DGCR2: variants seen among roughly 807,000 people sequenced by gnomAD.
DGCR2 encodes integral membrane protein DGCR2/IDD.
DGCR2 carries 24 observed loss-of-function variants against 51.6 expected under a neutral mutation model. The ratio of observed to expected loss-of-function variants is 0.47; its 90% CI spans 0.34 to 0.65. DGCR2 has a LOEUF of 0.65. Among genes scored for constraint, DGCR2 ranks in the 30% least tolerant of loss-of-function variants. The pLI is 0.01. For missense variants in DGCR2, 765 were observed against 772.1 expected, an observed-to-expected ratio of 0.99 and a Z score of 0.11; for synonymous variants, 340 against 315.4, an observed-to-expected ratio of 1.08 and a Z score of -0.82.
intron 1 of DGCR2, among the ~76,000 whole-genome samples, chr22:19,111,231 T>G (rs967289543): frequency 6.6e-6 from 1 of 152,152 alleles, no homozygotes; most frequent in Non-Finnish European, 1.5e-5. Context: ...CTGGCCTGAA[T>G]TGATCACCCA....
intron 1 of DGCR2, among the ~76,000 whole-genome samples, chr22:19,090,961 C>T (rs1020338328): frequency 1.3e-5 from 2 of 152,048 alleles, no homozygotes; most frequent in African/African-American, 4.8e-5. Context: ...AATCAAGATA[C>T]AACTACATAT....
At chr22:19,106,254 T>A (rs2083260548) in intron 1 of DGCR2, among the ~76,000 whole-genome samples, 1 of 152,148 alleles carries the variant, frequency 6.6e-6, no homozygotes, top group Non-Finnish European at 1.5e-5. Context: ...ACTCCAACAA[T>A]GCTCAGCTGC....
chr22:19,038,369 A>T lies in DGCR2; in HGVS notation c.*496T>A, dbSNP rs1235781526. On this transcript the variant is annotated 3_prime_UTR_variant, in exon 10 of 10. Transcript: ENST00000263196. ...ACAAAGTCAAGAGGCTGCCTCCCTG[A>T]AGCAGACCCACTGCCTACGCCACAC... The T allele has an allele frequency of 1.3e-5, 2 of 156,286 alleles. No individual in the cohort carries two copies. The highest frequency in any genetic ancestry group is 4.8e-5 in the African/African-American group (2 of 41,498). 9.7% of individuals were successfully genotyped at this position (156,286 alleles called of 1,614,324 possible).
intron 2 of DGCR2, among the ~76,000 whole-genome samples, chr22:19,075,178 A>G (rs1329976728): frequency 1.3e-5 from 2 of 150,040 alleles, no homozygotes; most frequent in South Asian, 4.1e-4. Context: ...CTGTAATCCC[A>G]GCACTTTGGG....
At chr22:19,050,604 T>C (rs1224011774) in intron 6 of DGCR2, among the ~76,000 whole-genome samples, 2 of 152,218 alleles carry the variant, frequency 1.3e-5, no homozygotes, top group Admixed American at 1.3e-4. Context: ...TCTTAGCTGA[T>C]TTAAAAAGCA....
chr22:19,119,248 G>C (rs903427187), intron 1 of DGCR2, among the ~76,000 whole-genome samples: 3 of 152,128 alleles, frequency 2.0e-5, no homozygotes, highest in African/African-American at 7.2e-5. Flanking sequence ...GGTGCATGAT[G>C]GGGGGAAGGC....
chr22:19,057,028 C>T lies in DGCR2; in HGVS notation c.760G>A (p.Ala254Thr), dbSNP rs138823671. The change falls in exon 6 of 10, where the codon GCC (alanine) becomes ACC (threonine). Residue 254 changes from alanine to threonine, a missense_variant. Around this residue, in one of 3 missense-constraint regions of DGCR2, gnomAD observed 190 missense variants for 265.2 expected, o/e 0.72. Transcript: ENST00000263196. The surrounding 1 kb of genome is among the most constrained non-coding windows in gnomAD (Gnocchi z 5.1). ...GAAGACTTCTCGTAGCAGCTCTCGGCGTGCCAGCTGTGGAGGTCGTGGTGC... is the reference window on the plus strand; with the variant it reads ...GAAGACTTCTCGTAGCAGCTCTCGGTGTGCCAGCTGTGGAGGTCGTGGTGC... Reference protein sequence around the residue: ...LRHHDLHSWHAESCYEKSSFL... With the variant: ...LRHHDLHSWHTESCYEKSSFL... 2.5e-6 allele frequency: 4 copies of T among 1,595,462 alleles called. No homozygotes were observed. Among genetic ancestry groups the T allele is most frequent in the African/African-American group, 2.7e-5 (2 of 74,862 alleles).
intron 2 of DGCR2, among the ~76,000 whole-genome samples, chr22:19,081,110 T>C (rs547955358): frequency 1.1e-4 from 16 of 152,338 alleles, no homozygotes; most frequent in African/African-American, 3.8e-4. Flanking sequence ...AACTCTCCCA[T>C]TGGCTTTTCT....
At chr22:19,086,939 A>G (rs1004132714) in intron 2 of DGCR2, among the ~76,000 whole-genome samples, 3 of 152,232 alleles carry the variant, frequency 2.0e-5, no homozygotes, top group African/African-American at 7.2e-5. Flanking sequence ...CAGCGTGTGT[A>G]ACAGGACAGT....
chr22:19,053,775 T>C (rs1212806014), intron 6 of DGCR2, among the ~76,000 whole-genome samples: 1 of 152,128 alleles, frequency 6.6e-6, no homozygotes, highest in African/African-American at 2.4e-5. Flanking sequence ...ATAACTACGA[T>C]TAATTTGTTA....
chr22:19,112,312 CG>C, intron 1 of DGCR2, among the ~76,000 whole-genome samples: 1 of 150,516 alleles, frequency 6.6e-6, no homozygotes, highest in South Asian at 2.1e-4. Flanking sequence ...ATAATAAAAC[CG>C]TTCAAAATTG....
chr22:19,065,286 T>C (rs1388719116), intron 3 of DGCR2: 2 of 564,052 alleles, frequency 3.5e-6, no homozygotes, highest in South Asian at 2.1e-5. Flanking sequence ...TCGGTGACTC[T>C]TCCCATTTCT....
intron 2 of DGCR2, among the ~76,000 whole-genome samples, chr22:19,085,126 A>C (rs2083000426): frequency 1.3e-5 from 2 of 151,296 alleles, no homozygotes; most frequent in African/African-American, 4.9e-5. Context: ...AAAAACAAAG[A>C]TGGTTCCACT....
At chr22:19,069,782 T>G (rs1021112201) in intron 2 of DGCR2, among the ~76,000 whole-genome samples, 4 of 152,192 alleles carry the variant, frequency 2.6e-5, no homozygotes, top group Non-Finnish European at 5.9e-5. Context: ...TAGTCTCATT[T>G]CTGAGACTCT....
In DGCR2 at chr22:19,057,912, A is replaced by G. The variant is rs1007642156; in HGVS notation, c.626-750T>C. ...CATGGCACAGCCAGCCCTAGGCCCC[A>G]CTCTCTCCCCTGCACGGCCCTTCCA... On this transcript the variant is annotated intron_variant, in intron 5 of 9. Coordinates refer to ENST00000263196, the MANE Select transcript of DGCR2 (RefSeq NM_005137.3). The surrounding 1 kb of genome is among the most constrained non-coding windows in gnomAD (Gnocchi z 5.1). 2.8e-4 allele frequency among the ~76,000 whole-genome samples: 42 copies of G among 151,216 alleles called. No homozygotes were observed. Among genetic ancestry groups the G allele is most frequent in the African/African-American group, 9.5e-4 (39 of 41,200 alleles).
At chr22:19,055,470 T>G (rs577684068) in intron 6 of DGCR2, among the ~76,000 whole-genome samples, 1 of 152,240 alleles carries the variant, frequency 6.6e-6, no homozygotes, top group South Asian at 2.1e-4. Context: ...CTACCACCAT[T>G]TCTAATCATC....
At position 19,065,074 on chromosome 22, in the gene DGCR2, G is replaced by C; in HGVS notation, c.329-7C>G. ...GGGCACTTCCCTAGGAAACATAAAG[G>C]ACAGAAGGGGAGTTGTCCCCCAAGT... On this transcript the variant is annotated splice_region_variant and splice_polypyrimidine_tract_variant and intron_variant, in intron 3 of 9. Coordinates refer to ENST00000263196, the MANE Select transcript of DGCR2 (RefSeq NM_005137.3). 1.2e-6 allele frequency: 2 copies of C among 1,612,942 alleles called. No homozygotes were observed. The highest frequency in any genetic ancestry group is 1.7e-6 in the Non-Finnish European group (2 of 1,179,504).
At chr22:19,043,187 C>T (rs997082698) in intron 7 of DGCR2, among the ~76,000 whole-genome samples, 5 of 152,254 alleles carry the variant, frequency 3.3e-5, no homozygotes, top group Admixed American at 6.5e-5. Context: ...TGCTCTTCTT[C>T]AACCATTTCA....
chr22:19,046,571 ACAC>A, intron 7 of DGCR2: 1 of 172,074 alleles, frequency 5.8e-6, no homozygotes, highest in Non-Finnish European at 1.3e-5. Context: ...GCAAGAGTAG[ACAC>A]TCTTAGCTTG....
Sources: allele counts gnomAD v4.1 joint callset (sites outside exome capture counted in the v4.1 genomes callset), GRCh38; gene constraint gnomAD v4.1.1; regional missense constraint gnomAD v4.1.1; non-coding constraint Gnocchi (gnomAD v3.1); transcripts MANE v1.5; gene names NCBI Gene and HGNC (gene_info 2026-07-23, HGNC 2026-07-21).